The following FHIT variants were observed in gnomAD, a reference collection of about 807,000 sequenced individuals.
The protein encoded by FHIT is fragile histidine triad diadenosine triphosphatase.
In FHIT, 19 loss-of-function variants were observed where a neutral mutation model predicts 17.9. The ratio of observed to expected loss-of-function variants is 1.06; its 90% CI spans 0.74 to 1.56. The LOEUF is 1.56. Ranked by LOEUF, FHIT falls within the 40% of genes most tolerant of loss-of-function variation. The pLI is 0.00. For missense variants in FHIT, 248 were observed against 189.2 expected, an observed-to-expected ratio of 1.31 and a Z score of -1.82; for synonymous variants, 81 against 69.7, an observed-to-expected ratio of 1.16 and a Z score of -0.81.
intron 5 of FHIT, among the ~76,000 whole-genome samples, chr3:60,437,392 G>A (rs963758003): frequency 3.3e-5 from 5 of 152,088 alleles, no homozygotes; most frequent in African/African-American, 1.2e-4. Context: ...TTCTTAGGAG[G>A]CCTTCCTGTC....
At chr3:61,114,728 T>C (rs2036252302) in intron 2 of FHIT, among the ~76,000 whole-genome samples, 1 of 152,156 alleles carries the variant, frequency 6.6e-6, no homozygotes. Flanking sequence ...TTTTTACGTG[T>C]TCCCATCCCC....
At chr3:60,331,653 C>A (rs1413957849) in intron 5 of FHIT, among the ~76,000 whole-genome samples, 2 of 151,974 alleles carry the variant, frequency 1.3e-5, no homozygotes, top group African/African-American at 4.8e-5. Flanking sequence ...TCAAGACCAG[C>A]CTGACCAACA....
At chr3:60,008,788 G>A (rs547058497) in intron 7 of FHIT, among the ~76,000 whole-genome samples, 1 of 152,212 alleles carries the variant, frequency 6.6e-6, no homozygotes, top group Non-Finnish European at 1.5e-5. Flanking sequence ...ATTCACAACT[G>A]GACAGCTGAA....
At chr3:60,825,613 T>G (rs1702083616) in intron 3 of FHIT, among the ~76,000 whole-genome samples, 1 of 151,990 alleles carries the variant, frequency 6.6e-6, no homozygotes, top group Admixed American at 6.6e-5. Context: ...GGACATTAGG[T>G]TCTCATAGGA....
intron 7 of FHIT, among the ~76,000 whole-genome samples, chr3:59,984,425 T>C (rs1708799972): frequency 6.6e-6 from 1 of 151,996 alleles, no homozygotes; most frequent in Non-Finnish European, 1.5e-5. Context: ...GCGTGGAACA[T>C]GCTACCCTCT....
intron 8 of FHIT, among the ~76,000 whole-genome samples, chr3:59,913,021 T>C (rs761808764): frequency 6.6e-6 from 1 of 152,178 alleles, no homozygotes; most frequent in African/African-American, 2.4e-5. Context: ...TCCTTGTGTT[T>C]AACAAAAACT....
chr3:61,136,011 G>A lies in FHIT; in HGVS notation c.-164+64606C>T, dbSNP rs182068682. On this transcript the variant is annotated intron_variant, in intron 2 of 9. Transcript: ENST00000492590. ...GAGGCTCATGATCATGCTGGAGGTA[G>A]GAGGCAAAATTTAATTTAAGGAGAA... Among the ~76,000 whole-genome samples the A allele has an allele frequency of 2.9e-4, 44 of 152,240 alleles. No individual in the cohort carries two copies. In the South Asian group the frequency reaches 8.7e-3, roughly 30 times the overall value.
At chr3:60,638,902 T>G (rs373842648) in intron 4 of FHIT, among the ~76,000 whole-genome samples, 1 of 151,270 alleles carries the variant, frequency 6.6e-6, no homozygotes, top group East Asian at 1.9e-4. Context: ...TGGAGGGCTT[T>G]CCTTAAAACA....
intron 3 of FHIT, among the ~76,000 whole-genome samples, chr3:60,950,115 T>A (rs1708812228): frequency 6.6e-6 from 1 of 152,238 alleles, no homozygotes; most frequent in Non-Finnish European, 1.5e-5. Context: ...ACTACTTACC[T>A]TTGTGTTACA....
intron 5 of FHIT, among the ~76,000 whole-genome samples, chr3:60,339,351 T>C (rs938122619): frequency 1.3e-5 from 2 of 152,172 alleles, no homozygotes; most frequent in Admixed American, 6.6e-5. Flanking sequence ...AATCCATATC[T>C]GAAACAAAGA....
Position 60,428,351 on chromosome 3 carries a change from G to A in FHIT, c.103+108509C>T, listed in dbSNP as rs142216504. On this transcript the variant is annotated intron_variant, in intron 5 of 9. Coordinates refer to ENST00000492590, the MANE Select transcript of FHIT (RefSeq NM_002012.4). ...GTTCGAATTATTACCTGGAATCGTGGCAATAGGACCCATTTCCCTGTCAAT... is the reference window on the plus strand; with the variant it reads ...GTTCGAATTATTACCTGGAATCGTGACAATAGGACCCATTTCCCTGTCAAT... Among the ~76,000 whole-genome samples the A allele has an allele frequency of 2.6e-4, 40 of 152,196 alleles. No homozygotes were observed. The East Asian group carries it at 5.8e-3, about 22-fold the overall frequency.
chr3:60,632,796 TTC>T (rs2039480519), intron 4 of FHIT, among the ~76,000 whole-genome samples: 3 of 152,134 alleles, frequency 2.0e-5, no homozygotes, highest in African/African-American at 7.2e-5. Flanking sequence ...AAAACTAAAG[TTC>T]TCTTTTGAGA....
intron 8 of FHIT, among the ~76,000 whole-genome samples, chr3:59,808,339 C>A (rs78941078): frequency 0.013 from 1,995 of 152,148 alleles, 29 homozygotes; most frequent in Non-Finnish European, 0.021. Context: ...TGCGGAGGGG[C>A]CTCTGAACAA....
intron 4 of FHIT, among the ~76,000 whole-genome samples, chr3:60,637,621 C>A (rs1454256354): frequency 5.9e-5 from 9 of 152,144 alleles, no homozygotes; most frequent in South Asian, 2.1e-4. Context: ...ATGGGACAAG[C>A]ATTATGCTTA....
chr3:60,313,057 A>G (rs1709014750), intron 5 of FHIT, among the ~76,000 whole-genome samples: 1 of 152,186 alleles, frequency 6.6e-6, no homozygotes, highest in South Asian at 2.1e-4. Context: ...TATTTTCTCC[A>G]AGGTCATCTT....
intron 4 of FHIT, among the ~76,000 whole-genome samples, chr3:60,550,720 C>G (rs774108462): frequency 1.3e-5 from 2 of 151,902 alleles, no homozygotes; most frequent in Admixed American, 6.6e-5. Context: ...ACTTAATAAC[C>G]TTTCCTCATC....
At chr3:60,655,388 C>T (rs2040090888) in intron 4 of FHIT, among the ~76,000 whole-genome samples, 1 of 152,168 alleles carries the variant, frequency 6.6e-6, no homozygotes, top group Admixed American at 6.5e-5. Flanking sequence ...CTAAAAACAA[C>T]AACGCATAAT....
chr3:61,134,727 A>G (rs1055071310), intron 2 of FHIT, among the ~76,000 whole-genome samples: 3 of 152,108 alleles, frequency 2.0e-5, no homozygotes, highest in Non-Finnish European at 4.4e-5. Context: ...TAAAAAGGGA[A>G]GAGCAAAAGC....
intron 7 of FHIT, among the ~76,000 whole-genome samples, chr3:59,923,924 T>C (rs1705533864): frequency 6.6e-6 from 1 of 152,044 alleles, no homozygotes; most frequent in East Asian, 1.9e-4. Context: ...TCCCAAAGAG[T>C]GACACGCTTT....
Sources: allele counts gnomAD v4.1 joint callset (sites outside exome capture counted in the v4.1 genomes callset), GRCh38; gene constraint gnomAD v4.1.1; transcripts MANE v1.5; gene names NCBI Gene and HGNC (gene_info 2026-07-23, HGNC 2026-07-21).